The following PLEKHA7 variants were observed in gnomAD, a reference collection of about 807,000 sequenced individuals.
The protein encoded by PLEKHA7 is pleckstrin homology domain containing A7.
PLEKHA7 carries 104 observed loss-of-function variants against 170.0 expected under a neutral mutation model. The observed-to-expected ratio is 0.61, with a 90% CI of 0.52 to 0.72. PLEKHA7 has a LOEUF of 0.72. PLEKHA7 is among the 30% of genes least tolerant of loss of function. The pLI is 0.00. For missense variants in PLEKHA7, 1,615 were observed against 1,671.7 expected (o/e 0.97, Z 0.59); for synonymous variants, 648 against 660.8 (o/e 0.98, Z 0.30).
intron 10 of PLEKHA7, among the ~76,000 whole-genome samples, chr11:16,825,164 G>A (rs1053687874): frequency 6.6e-6 from 1 of 152,214 alleles, no homozygotes; most frequent in Non-Finnish European, 1.5e-5. Flanking sequence ...AGAGGTTACA[G>A]CAACGTACAT....
chr11:16,840,861 T>C (rs893655296), intron 9 of PLEKHA7, among the ~76,000 whole-genome samples: 2 of 152,156 alleles, frequency 1.3e-5, no homozygotes, highest in African/African-American at 2.4e-5. Flanking sequence ...AAGCTAAACA[T>C]ACCAGCGCAA....
At chr11:17,014,245 CGGG>C (rs1865531377) in intron 1 of PLEKHA7, 44 bp from the exon 2 acceptor site, 1 of 1,415,268 alleles carries the variant, frequency 7.1e-7, no homozygotes, top group Non-Finnish European at 9.2e-7. Context: ...CACAGCCCGC[CGGG>C]TGCCCGCCCG....
rs925724657 is a variant in PLEKHA7 at position 16,973,797 on chromosome 11, C to G, written c.221+40192G>C. On this transcript the variant is annotated intron_variant, in intron 3 of 26. Transcript: ENST00000531066. Reference sequence around the variant, plus strand: ...AACCTGAGTCTCCCTCTGGAGTGTTCCTCCCCATCCACTGTGAGTATCAAA... The same window carrying G: ...AACCTGAGTCTCCCTCTGGAGTGTTGCTCCCCATCCACTGTGAGTATCAAA... Among the ~76,000 whole-genome samples the G allele has an allele frequency of 2.6e-5, 4 of 152,170 alleles. No individual in the cohort carries two copies. The East Asian group carries it at 7.7e-4, about 29-fold the overall frequency.
chr11:16,925,996 C>CTG (rs1859511676), intron 3 of PLEKHA7, among the ~76,000 whole-genome samples: 2 of 152,258 alleles, frequency 1.3e-5, no homozygotes, highest in African/African-American at 4.8e-5. Context: ...ACCAGCAGAC[C>CTG]TGTCATCCGT....
intron 3 of PLEKHA7, among the ~76,000 whole-genome samples, chr11:16,945,569 G>C (rs1860975694): frequency 6.6e-6 from 1 of 152,212 alleles, no homozygotes; most frequent in African/African-American, 2.4e-5. Flanking sequence ...AAGCCTGAAG[G>C]GCAGAGAAGG....
chr11:16,793,142 G>T (rs1272256166), intron 19 of PLEKHA7, among the ~76,000 whole-genome samples: 1 of 152,234 alleles, frequency 6.6e-6, no homozygotes, highest in East Asian at 1.9e-4. Flanking sequence ...TCAGGGAAGG[G>T]ACGGACTTGC....
chr11:16,786,311 T>C lies in PLEKHA7; in HGVS notation c.3434A>G (p.Asn1145Ser), dbSNP rs1482426209. The C allele has an allele frequency of 1.3e-6, 2 of 1,536,040 alleles. No homozygotes were observed. Among genetic ancestry groups the C allele is most frequent in the South Asian group, 2.4e-5 (2 of 84,070 alleles). Residue 1145 changes from asparagine (N) to serine (S), a missense_variant, in exon 24 of 27, where the codon AAT (asparagine) becomes AGT (serine). Physicochemically the swap from Asn to Ser is conservative, Grantham distance 46. Coordinates refer to ENST00000531066, the MANE Select transcript of PLEKHA7 (RefSeq NM_001329630.2). Reference protein sequence around the residue: ...VQGEKKDKEENGWLKVQAMPV... With the variant: ...VQGEKKDKEESGWLKVQAMPV... ...CATGGCCTGCACTTTCAACCAGCCA[T>C]TCTCCTCCTTGTCCTTTTTTTCCCC... is the stretch of plus-strand genomic sequence containing the variant.
At chr11:16,781,993 A>T (rs1849055118) in intron 26 of PLEKHA7, among the ~76,000 whole-genome samples, 1 of 152,126 alleles carries the variant, frequency 6.6e-6, no homozygotes, top group African/African-American at 2.4e-5. Context: ...CACAAGGCAC[A>T]CACAAGCAGG....
chr11:16,789,402 T>A lies in PLEKHA7; in HGVS notation c.3157-106A>T. The A allele has an allele frequency of 9.4e-7, 1 of 1,069,358 alleles. No individual in the cohort carries two copies. The highest frequency in any genetic ancestry group is 1.4e-5 in the South Asian group (1 of 73,712). 66.2% of individuals were successfully genotyped at this position (1,069,358 alleles called of 1,614,324 possible). On this transcript the variant is annotated intron_variant, in intron 22 of 26. Transcript: ENST00000531066. This position sits in a 1 kb window ranked among gnomAD's most constrained non-coding sequence, Gnocchi z 4.6. ...TCCCGTTGTCTCTCTCTCACACACA[T>A]GCACACTCTAGTTGGGCTCCTCTTG...
Position 16,813,100 on chromosome 11 carries a change from T to C in PLEKHA7, c.2007+13A>G, listed in dbSNP as rs761709457. The C allele has an allele frequency of 6.2e-7, 1 of 1,611,432 alleles. No individual in the cohort carries two copies. Among genetic ancestry groups the C allele is most frequent in the South Asian group, 1.1e-5 (1 of 91,002 alleles). Reference sequence around the variant, plus strand: ...GAGTATGCAAGGAAGGCAGGAACCCTGATGTCACTTACCTTTAGATCCAGG... The same window carrying C: ...GAGTATGCAAGGAAGGCAGGAACCCCGATGTCACTTACCTTTAGATCCAGG... On this transcript the variant is annotated intron_variant, in intron 13 of 26. Transcript: ENST00000531066.
chr11:16,975,104 A>T, intron 3 of PLEKHA7: 1 of 551,682 alleles, frequency 1.8e-6, no homozygotes, highest in Non-Finnish European at 2.6e-6. Flanking sequence ...CATCACATGC[A>T]TACATTCATG....
intron 3 of PLEKHA7, among the ~76,000 whole-genome samples, chr11:16,896,783 A>C (rs1474143333): frequency 6.6e-6 from 1 of 152,166 alleles, no homozygotes; most frequent in Non-Finnish European, 1.5e-5. Flanking sequence ...CACCACCCCC[A>C]CATGGATACC....
intron 3 of PLEKHA7, among the ~76,000 whole-genome samples, chr11:16,907,606 T>G (rs1214844828): frequency 8.7e-6 from 1 of 114,882 alleles, no homozygotes; most frequent in Non-Finnish European, 2.0e-5. Flanking sequence ...GTCCGGGAGG[T>G]GAGGGGCGCC....
At chr11:16,922,398 A>G (rs1859164689) in intron 3 of PLEKHA7, among the ~76,000 whole-genome samples, 1 of 152,174 alleles carries the variant, frequency 6.6e-6, no homozygotes, top group Admixed American at 6.5e-5. Context: ...AGACTCAGAG[A>G]AGCTGAAGGA....
At chr11:16,982,195 A>T (rs1464590805) in intron 3 of PLEKHA7, among the ~76,000 whole-genome samples, 1 of 152,282 alleles carries the variant, frequency 6.6e-6, no homozygotes, top group Non-Finnish European at 1.5e-5. Flanking sequence ...GAAACTGTTA[A>T]TGCCCTGGAA....
intron 3 of PLEKHA7, among the ~76,000 whole-genome samples, chr11:16,894,329 C>G (rs1856864496): frequency 6.6e-6 from 1 of 152,214 alleles, no homozygotes; most frequent in Admixed American, 6.5e-5. Context: ...TAATGATGCC[C>G]ATTCAGGAAG....
intron 3 of PLEKHA7, among the ~76,000 whole-genome samples, chr11:16,906,302 T>TCCTCCTCTCCCTCCTCTCCCTCTC (rs1857685469): frequency 2.2e-5 from 2 of 89,234 alleles, no homozygotes; most frequent in Admixed American, 2.2e-4. Flanking sequence ...TTGGAAAGGC[T>TCCTCCTCTCCCTCCTCTCCCTCTC]CCTCCTCTCC....
At chr11:16,812,968 T>G in intron 13 of PLEKHA7, 145 bp downstream of exon 13, 1 of 614,554 alleles carries the variant, frequency 1.6e-6, no homozygotes, top group Non-Finnish European at 2.9e-6. Context: ...ATAAAGTTCT[T>G]CTGATTCAAG....
At chr11:16,857,340 C>A (rs1165254732) in intron 4 of PLEKHA7, among the ~76,000 whole-genome samples, 4 of 152,248 alleles carry the variant, frequency 2.6e-5, no homozygotes, top group African/African-American at 9.6e-5. Context: ...AGAAAGAGCA[C>A]TGGCTCCTTA....
Sources: allele counts gnomAD v4.1 joint callset (sites outside exome capture counted in the v4.1 genomes callset), GRCh38; gene constraint gnomAD v4.1.1; non-coding constraint Gnocchi (gnomAD v3.1); transcripts MANE v1.5; gene names NCBI Gene and HGNC (gene_info 2026-07-23, HGNC 2026-07-21).